LMF1: variants seen among roughly 807,000 people sequenced by gnomAD.
The protein encoded by LMF1 is lipase maturation factor 1.
In LMF1, 68 loss-of-function variants were observed where a neutral mutation model predicts 60.6. The observed-to-expected ratio is 1.12, with a 90% confidence interval of 0.92 to 1.37. The LOEUF is 1.37. Among genes scored for constraint, LMF1 ranks in the 40% most tolerant of loss-of-function variants. LMF1 has a pLI of 0.00. For missense variants in LMF1, 948 were observed against 767.2 expected, an observed-to-expected ratio of 1.24 and a Z score of -2.78; for synonymous variants, 418 against 324.7, an observed-to-expected ratio of 1.29 and a Z score of -3.09.
chr16:899,165 C>G (rs986481572), intron 4 of LMF1: 1 of 152,240 alleles, frequency 6.6e-6, no homozygotes, highest in Non-Finnish European at 1.5e-5. Flanking sequence ...GCGCTTCAGC[C>G]GCGAGGAGCA....
chr16:964,295 CAA>C (rs68176791), intron 1 of LMF1, among the ~76,000 whole-genome samples: 27 of 63,784 alleles, frequency 4.2e-4, no homozygotes, highest in Admixed American at 8.9e-4. Context: ...AACTCTGTCT[CAA>C]AAAAAAAAAA....
chr16:930,253 G>A (rs1328603710), intron 3 of LMF1, among the ~76,000 whole-genome samples: 1 of 139,232 alleles, frequency 7.2e-6, no homozygotes, highest in African/African-American at 2.5e-5. Flanking sequence ...CAGCAGTCGC[G>A]TCCGTCTGAA....
chr16:962,957 G>A lies in LMF1; in HGVS notation c.193+7831C>T, dbSNP rs937104836. ...GGCAGAGCACCGCAGGGCCCTGGGC[G>A]ACGAAAGGGTCAGGGCTGGTGACCT... On this transcript the variant is annotated intron_variant, in intron 1 of 10. Coordinates refer to ENST00000262301, the MANE Select transcript of LMF1 (RefSeq NM_022773.4). The surrounding 1 kb of genome is among the most constrained non-coding windows in gnomAD (Gnocchi z 4.5). Among the ~76,000 whole-genome samples, 17 of 152,296 alleles carry A rather than the reference G, an allele frequency of 1.1e-4. No homozygotes were observed. Among genetic ancestry groups the A allele is most frequent in the African/African-American group, 2.2e-4 (9 of 41,568 alleles).
chr16:950,637 C>A (rs2072426932), intron 2 of LMF1, among the ~76,000 whole-genome samples: 2 of 140,364 alleles, frequency 1.4e-5, no homozygotes, highest in African/African-American at 5.5e-5. Context: ...ACAGAGTCAG[C>A]CAAGGACAGA....
At chr16:980,037 G>A (rs920882784) in intron 1 of LMF1, 2 of 327,876 alleles carry the variant, frequency 6.1e-6, no homozygotes, top group Admixed American at 8.0e-5. Flanking sequence ...GGAAGAGAGG[G>A]CAGGCCAGGC....
At chr16:913,348 T>C (rs919877331) in intron 3 of LMF1, among the ~76,000 whole-genome samples, 8 of 152,224 alleles carry the variant, frequency 5.3e-5, no homozygotes, top group African/African-American at 1.9e-4. Context: ...GCCGCTGCTC[T>C]CCTTCCTGCG....
chr16:970,031 C>G (rs1277598300), intron 1 of LMF1, among the ~76,000 whole-genome samples: 1 of 152,178 alleles, frequency 6.6e-6, no homozygotes, highest in Non-Finnish European at 1.5e-5. Context: ...GGTGAAGGGT[C>G]TCCGCCAGTG....
chr16:932,378 G>A (rs991575147), intron 3 of LMF1, among the ~76,000 whole-genome samples: 6 of 152,114 alleles, frequency 3.9e-5, no homozygotes, highest in South Asian at 2.1e-4. Flanking sequence ...AGCCTGCCCC[G>A]GCCTGCCCGC....
intron 6 of LMF1, among the ~76,000 whole-genome samples, chr16:879,148 C>G (rs2070085008): frequency 6.6e-6 from 1 of 152,190 alleles, no homozygotes; most frequent in African/African-American, 2.4e-5. Flanking sequence ...GCAAATGACC[C>G]TGGCCTCTCT....
Position 922,915 on chromosome 16 carries a change from G to T in LMF1, c.514+11329C>A, listed in dbSNP as rs7500957. Among the ~76,000 whole-genome samples, 223 of 55,666 alleles carry T rather than the reference G, an allele frequency of 4.0e-3. 10 individuals are homozygous for T. The highest frequency in any genetic ancestry group is 0.024 in the African/African-American group (158 of 6,564). 36.5% of individuals were successfully genotyped at this position (55,666 alleles called of 152,430 possible). ...GCGAAGGCCCTGTGTGAAAGTCGCCGGGGTTTTCGGGTGTGATGTGGTGTT... is the reference window on the plus strand; with the variant it reads ...GCGAAGGCCCTGTGTGAAAGTCGCCTGGGTTTTCGGGTGTGATGTGGTGTT... On this transcript the variant is annotated intron_variant, in intron 3 of 10. Transcript: ENST00000262301.
intron 6 of LMF1, among the ~76,000 whole-genome samples, chr16:877,445 G>C (rs2070024493): frequency 6.6e-6 from 1 of 151,844 alleles, no homozygotes; most frequent in Non-Finnish European, 1.5e-5. Flanking sequence ...GGTCACCTCT[G>C]CTTTCCAGAC....
At chr16:858,496 C>CA (rs1489529152) in intron 10 of LMF1, among the ~76,000 whole-genome samples, 7 of 19,924 alleles carry the variant, frequency 3.5e-4, no homozygotes, top group Admixed American at 6.3e-4. Flanking sequence ...GACGGGTGTG[C>CA]GTGGTGTCTC....
chr16:860,716 T>C (rs1284646207), intron 10 of LMF1, among the ~76,000 whole-genome samples: 1 of 152,108 alleles, frequency 6.6e-6, no homozygotes, highest in African/African-American at 2.4e-5. Flanking sequence ...GGGTGAGACG[T>C]GGGTCGAAGA....
intron 1 of LMF1, among the ~76,000 whole-genome samples, chr16:967,335 G>A (rs1025550470): frequency 1.5e-4 from 23 of 152,334 alleles, no homozygotes; most frequent in Non-Finnish European, 2.5e-4. Context: ...CAACGTCGAC[G>A]CACGACCCTG....
upstream of LMF1, chr16:975,913 T>C (rs777417582): frequency 2.2e-6 from 1 of 452,406 alleles, no homozygotes; most frequent in Non-Finnish European, 4.4e-6. Context: ...AAGCACCATT[T>C]TCCCTCCTGG....
At chr16:922,104 C>T (rs142323505) in intron 3 of LMF1, among the ~76,000 whole-genome samples, 8 of 152,134 alleles carry the variant, frequency 5.3e-5, no homozygotes, top group East Asian at 1.9e-4. Flanking sequence ...GCAGCCAACA[C>T]GGGACAGAGG....
At chr16:950,022 G>C (rs1429599633) in intron 2 of LMF1, among the ~76,000 whole-genome samples, 1 of 146,362 alleles carries the variant, frequency 6.8e-6, no homozygotes, top group East Asian at 2.1e-4. Flanking sequence ...GCCAACGACA[G>C]AGTCAGCCAA....
intron 2 of LMF1, chr16:952,526 G>A (rs9939418): frequency 0.48 from 73,770 of 152,490 alleles, 19,789 homozygotes; most frequent in African/African-American, 0.72. Flanking sequence ...GACCAGGATG[G>A]AAAACACAGG....
At chr16:859,540 C>T (rs1258416401) in intron 10 of LMF1, among the ~76,000 whole-genome samples, 3 of 5,670 alleles carry the variant, frequency 5.3e-4, no homozygotes, top group Non-Finnish European at 3.6e-4. Context: ...AGTGGTGTCT[C>T]GGGACGGGTG....
Sources: allele counts gnomAD v4.1 joint callset (sites outside exome capture counted in the v4.1 genomes callset), GRCh38; gene constraint gnomAD v4.1.1; non-coding constraint Gnocchi (gnomAD v3.1); transcripts MANE v1.5; gene names NCBI Gene and HGNC (gene_info 2026-07-23, HGNC 2026-07-21).